CNTNAP4: variants seen among roughly 807,000 people sequenced by gnomAD.
CNTNAP4 encodes the protein contactin associated protein family member 4, also known as contactin-associated protein-like 4.
A neutral mutation model predicts 148.4 loss-of-function variants in CNTNAP4; 98 were observed. The observed-to-expected ratio is 0.66, with a 90% CI of 0.56 to 0.78. CNTNAP4 has a LOEUF of 0.78. Ranked by LOEUF, CNTNAP4 falls within the 30% of genes least tolerant of loss-of-function variation. The pLI is 0.00. For synonymous variants in CNTNAP4, 730 were observed against 565.1 expected (o/e 1.29, Z -4.14); for missense variants, 1,935 against 1,565.6 (o/e 1.24, Z -3.98).
At chr16:76,310,184 G>A (rs908140922) in intron 1 of CNTNAP4, among the ~76,000 whole-genome samples, 1 of 152,102 alleles carries the variant, frequency 6.6e-6, no homozygotes, top group African/African-American at 2.4e-5. Flanking sequence ...AGGTACATCA[G>A]GTACTGGGTT....
At chr16:76,370,366 A>G (rs2014658695) in intron 3 of CNTNAP4, among the ~76,000 whole-genome samples, 1 of 152,156 alleles carries the variant, frequency 6.6e-6, no homozygotes, top group Non-Finnish European at 1.5e-5. Context: ...GTTACCTCAG[A>G]ATGCTAGAAC....
At chr16:76,331,251 G>C (rs1032128913) in intron 2 of CNTNAP4, among the ~76,000 whole-genome samples, 1 of 151,514 alleles carries the variant, frequency 6.6e-6, no homozygotes, top group Non-Finnish European at 1.5e-5. Context: ...GCAGTGGCGC[G>C]ATCTCGGCTC....
At chr16:76,379,356 T>C (rs773360431) in intron 3 of CNTNAP4, among the ~76,000 whole-genome samples, 10 of 152,202 alleles carry the variant, frequency 6.6e-5, no homozygotes, top group Non-Finnish European at 1.2e-4. Flanking sequence ...TAGGTAGTTT[T>C]CCTCTACTAA....
At chr16:76,446,494 T>C (rs537848075) in intron 4 of CNTNAP4, among the ~76,000 whole-genome samples, 8 of 152,324 alleles carry the variant, frequency 5.3e-5, no homozygotes, top group African/African-American at 1.9e-4. Context: ...TTGACAGATG[T>C]ATTGTTAGGT....
intron 2 of CNTNAP4, among the ~76,000 whole-genome samples, chr16:76,352,492 G>A (rs887168186): frequency 1.3e-5 from 2 of 152,246 alleles, no homozygotes; most frequent in South Asian, 2.1e-4. Flanking sequence ...CCTGACCTAT[G>A]AGAGGCACTG....
At chr16:76,417,151 T>A (rs1005317858) in intron 3 of CNTNAP4, among the ~76,000 whole-genome samples, 15 of 151,524 alleles carry the variant, frequency 9.9e-5, no homozygotes, top group African/African-American at 3.1e-4. Flanking sequence ...CTACTCTTTC[T>A]ATATACTCTG....
chr16:76,302,733 T>C (rs780058838), intron 1 of CNTNAP4, among the ~76,000 whole-genome samples: 5 of 152,184 alleles, frequency 3.3e-5, no homozygotes, highest in African/African-American at 1.2e-4. Flanking sequence ...AAATTCTGCC[T>C]GCACTCGAGG....
At position 76,522,208 on chromosome 16, in the gene CNTNAP4, C is replaced by G; in HGVS notation, c.2706C>G (p.Ala902=). ...VDQLTPKTQP[A]PADGHVLLQL... is the part of the protein sequence containing the mutation. ...AGCTGACACCAAAGACACAGCCCGC[C>G]CCCGCTGATGGGCATGTCCTGTTAC... is the stretch of plus-strand genomic sequence containing the variant. The change falls in exon 17 of 24, where the codon GCC becomes GCG. Residue 902 remains alanine, a synonymous_variant. Transcript: ENST00000611870. 6.2e-7 allele frequency: 1 copy of G among 1,613,938 alleles called. No homozygotes were observed. The highest frequency in any genetic ancestry group is 8.5e-7 in the Non-Finnish European group (1 of 1,179,876).
chr16:76,342,341 G>T (rs1044139195), intron 2 of CNTNAP4, among the ~76,000 whole-genome samples: 1 of 151,934 alleles, frequency 6.6e-6, no homozygotes, highest in Non-Finnish European at 1.5e-5. Context: ...TCTCAGTTAT[G>T]CATCTGTTGA....
At chr16:76,302,863 A>G (rs1179646752) in intron 1 of CNTNAP4, among the ~76,000 whole-genome samples, 2 of 152,158 alleles carry the variant, frequency 1.3e-5, no homozygotes, top group African/African-American at 2.4e-5. Flanking sequence ...GGAGGGCTCT[A>G]TGCCACGATG....
chr16:76,387,912 T>C (rs1472126573), intron 3 of CNTNAP4, among the ~76,000 whole-genome samples: 1 of 152,252 alleles, frequency 6.6e-6, no homozygotes, highest in African/African-American at 2.4e-5. Flanking sequence ...AGAAGGGATC[T>C]ATTCCCCTCT....
intron 1 of CNTNAP4, among the ~76,000 whole-genome samples, chr16:76,292,193 C>G (rs1192857900): frequency 1.3e-5 from 2 of 152,170 alleles, no homozygotes; most frequent in Non-Finnish European, 2.9e-5. Context: ...TGTCATCCAA[C>G]TTTGTCTTGC....
At chr16:76,427,714 A>ATTCC in intron 4 of CNTNAP4, 115 bp downstream of exon 4, 1 of 998,408 alleles carries the variant, frequency 1.0e-6, no homozygotes, top group Non-Finnish European at 1.4e-6. Context: ...AAAAATAGGA[A>ATTCC]TAATTTTTGT....
At chr16:76,363,607 T>C (rs546819556) in intron 3 of CNTNAP4, among the ~76,000 whole-genome samples, 1 of 152,210 alleles carries the variant, frequency 6.6e-6, no homozygotes, top group South Asian at 2.1e-4. Flanking sequence ...TTTTTAAATA[T>C]ACCAAAAGCA....
At chr16:76,376,907 T>TGTGTGTGTGTGTGTGTGTGTGTG (rs2015471306) in intron 3 of CNTNAP4, among the ~76,000 whole-genome samples, 1 of 143,442 alleles carries the variant, frequency 7.0e-6, no homozygotes, top group African/African-American at 2.6e-5. Flanking sequence ...CTAACAAGGT[T>TGTGTGTGTGTGTGTGTGTGTGTG]TGTGTGTGTG....
intron 9 of CNTNAP4, among the ~76,000 whole-genome samples, chr16:76,464,618 C>G (rs2081112280): frequency 1.3e-5 from 2 of 152,308 alleles, no homozygotes; most frequent in South Asian, 4.1e-4. Context: ...TTCTCCTTCT[C>G]TCTAAATTTA....
At chr16:76,522,351 TAAC>T (rs1191432608) in intron 17 of CNTNAP4, 94 bp downstream of exon 17, 2 of 1,024,608 alleles carry the variant, frequency 2.0e-6, no homozygotes, top group Admixed American at 4.5e-5. Flanking sequence ...ACAAGGATAA[TAAC>T]AACAAGCAAT....
rs2085305389 is a variant in CNTNAP4, at chr16:76,558,831, C to T, written c.*148C>T. The T allele has an allele frequency of 1.9e-6, 1 of 538,276 alleles. No individual in the cohort carries two copies. Among genetic ancestry groups the T allele is most frequent in the East Asian group, 3.0e-5 (1 of 32,968 alleles). 33.3% of individuals were successfully genotyped at this position (538,276 alleles called of 1,614,324 possible). On this transcript the variant is annotated 3_prime_UTR_variant, in exon 24 of 24. Transcript: ENST00000611870. ...GCCATGTACAGGCTTGGGGTGGCTC[C>T]AGGAAGCCTCGTCCAGTGATATATT...
chr16:76,521,321 T>C lies in CNTNAP4; in HGVS notation c.2536+11T>C. 1 of 1,591,278 alleles carries C rather than the reference T, an allele frequency of 6.3e-7. No individual in the cohort carries two copies. Among genetic ancestry groups the C allele is most frequent in the Non-Finnish European group, 8.5e-7 (1 of 1,171,124 alleles). On this transcript the variant is annotated intron_variant, in intron 16 of 23. Transcript: ENST00000611870. ...GGATAGAGCTTCGCTGTAAGTCTCCTTTTCCAGAGAAGTGTATGAGATTCT... is the reference window on the plus strand; with the variant it reads ...GGATAGAGCTTCGCTGTAAGTCTCCCTTTCCAGAGAAGTGTATGAGATTCT...
Sources: allele counts gnomAD v4.1 joint callset (sites outside exome capture counted in the v4.1 genomes callset), GRCh38; gene constraint gnomAD v4.1.1; transcripts MANE v1.5; gene names NCBI Gene and HGNC (gene_info 2026-07-23, HGNC 2026-07-21).